The following DDX42 variants were observed in gnomAD, a reference collection of about 807,000 sequenced individuals.
DDX42 encodes DEAD-box helicase 42, also known as ATP-dependent RNA helicase DDX42.
A neutral mutation model predicts 101.5 loss-of-function variants in DDX42; 22 were observed. The observed-to-expected ratio is 0.22, with a 90% CI of 0.15 to 0.31. DDX42 has a LOEUF of 0.31. Ranked by LOEUF, DDX42 falls within the 10% of genes least tolerant of loss-of-function variation. The probability of loss-of-function intolerance (pLI) is 1.00; values close to 1 mark genes in which losing one functional copy is unlikely to be tolerated. For synonymous variants in DDX42, 402 were observed against 401.2 expected, an observed-to-expected ratio of 1.00 and a Z score of -0.02; for missense variants, 849 against 1,199.9, an observed-to-expected ratio of 0.71 and a Z score of 4.32.
In DDX42 at chr17:63,780,751, T is replaced by G. The variant is rs1185780388; in HGVS notation, c.-16-6283T>G. ...CCCAAGGTCTCACTGCCTGCCTGTT[T>G]GTGGCAGGAGTTGATTTGCTGCTTT... On this transcript the variant is annotated intron_variant, in intron 1 of 17. Coordinates refer to ENST00000389924, the MANE Select transcript of DDX42 (RefSeq NM_203499.3). Among the ~76,000 whole-genome samples, 3 of 152,348 alleles carry G rather than the reference T, an allele frequency of 2.0e-5. No individual in the cohort carries two copies. In the East Asian group the frequency reaches 5.8e-4, roughly 29 times the overall value.
intron 17 of DDX42, chr17:63,817,458 A>G (rs1000830397): frequency 8.3e-6 from 4 of 480,478 alleles, no homozygotes; most frequent in African/African-American, 1.9e-5. Flanking sequence ...ATTCTAGCCA[A>G]TCAGGCTATA....
At chr17:63,811,247 C>A in intron 13 of DDX42, 74 bp downstream of exon 13, 1 of 1,110,190 alleles carries the variant, frequency 9.0e-7, no homozygotes, top group Non-Finnish European at 1.3e-6. Flanking sequence ...ATTAATTTCT[C>A]ACTATTGAGA....
chr17:63,785,880 C>CT (rs1260333217), intron 1 of DDX42, among the ~76,000 whole-genome samples: 2 of 152,144 alleles, frequency 1.3e-5, no homozygotes, highest in Non-Finnish European at 2.9e-5. Flanking sequence ...AGTTTTGATT[C>CT]TTTGATTCTT....
intron 2 of DDX42, among the ~76,000 whole-genome samples, chr17:63,789,559 GTTTTTGTTTTTGTTTTTT>G (rs1376622890): frequency 8.3e-5 from 2 of 24,236 alleles, no homozygotes; most frequent in African/African-American, 4.1e-4. Context: ...TTTTGTTTTT[GTTTTTGTTTTTGTTTTTT>G]TTTTTTTTTT....
intron 15 of DDX42, among the ~76,000 whole-genome samples, chr17:63,815,318 C>G (rs141143667): frequency 6.6e-6 from 1 of 152,282 alleles, no homozygotes; most frequent in African/African-American, 2.4e-5. Flanking sequence ...TCCAGGAGAG[C>G]CTTGAGGGAG....
chr17:63,795,401 G>T (rs1182543060), intron 3 of DDX42, among the ~76,000 whole-genome samples: 1 of 152,204 alleles, frequency 6.6e-6, no homozygotes, highest in African/African-American at 2.4e-5. Flanking sequence ...CCAGAGTGCA[G>T]TGGCACCATT....
Position 63,792,291 on chromosome 17 carries a change from A to C in DDX42, c.222-121A>C, listed in dbSNP as rs113731853. On this transcript the variant is annotated intron_variant, in intron 2 of 17. Coordinates refer to ENST00000389924, the MANE Select transcript of DDX42 (RefSeq NM_203499.3). ...ATTAGCCAAAGCCTTGGAGGTCTCT[A>C]ATTTGATCTGCATTACATCTCCTAA... The C allele has an allele frequency of 4.0e-3, 4,367 of 1,078,776 alleles. 114 individuals are homozygous for C. The African/African-American group carries it at 0.055, about 14-fold the overall frequency. 66.8% of individuals were successfully genotyped at this position (1,078,776 alleles called of 1,614,324 possible). A position where few individuals can be genotyped will look rare whatever the true frequency, so the allele number is the denominator to read the frequency against.
At position 63,817,851 on chromosome 17, in the gene DDX42, C is replaced by T. The variant is rs775744813; in HGVS notation, c.2270C>T (p.Thr757Ile). 6.2e-7 allele frequency: 1 copy of T among 1,614,216 alleles called. No individual in the cohort carries two copies. The highest frequency in any genetic ancestry group is 2.2e-5 in the East Asian group (1 of 44,886). ...CATAACAGTCCTGACAGCCCCGTCA[C>T]CAGTGCCGCCAAGGGCATCCCAGGC... is the stretch of plus-strand genomic sequence containing the variant. ...QGHNSPDSPV[T>I]SAAKGIPGFG... is the part of the protein sequence containing the mutation. Residue 757 changes from threonine (T) to isoleucine (I), a missense_variant, in exon 18 of 18, where the codon ACC becomes ATC. Physicochemically the swap from Thr to Ile is moderately conservative, Grantham distance 89. Transcript: ENST00000389924.
At chr17:63,815,695 A>C (rs777450437) in intron 16 of DDX42, 22 bp downstream of exon 16, 3 of 1,530,284 alleles carry the variant, frequency 2.0e-6, no homozygotes, top group African/African-American at 2.7e-5. Flanking sequence ...CTACTACAGT[A>C]GTGCCTTTAT....
rs552716183 is a variant in DDX42, at chr17:63,810,969, G to A, written c.1301-107G>A. The A allele has an allele frequency of 1.4e-4, 116 of 802,000 alleles. 1 individual carries two copies. The highest frequency in any genetic ancestry group is 1.3e-3 in the Admixed American group (42 of 33,246). The allele number at this position is 802,000 out of a possible 1,614,324, so 49.7% of individuals were successfully genotyped here. ...TTTCTAAACTAAATTTAAAGTTCAG[G>A]TGAGCTTATGTAAAAAAACTGAATA... On this transcript the variant is annotated intron_variant, in intron 12 of 17. Transcript: ENST00000389924.
chr17:63,811,056 G>T lies in DDX42; in HGVS notation c.1301-20G>T. On this transcript the variant is annotated intron_variant, in intron 12 of 17. Coordinates refer to ENST00000389924, the MANE Select transcript of DDX42 (RefSeq NM_203499.3). ...AAGATATCATATTGTTTCTCTAACAGAATTTATCTTACCTTTTAGCTCTCT... is the reference window on the plus strand; with the variant it reads ...AAGATATCATATTGTTTCTCTAACATAATTTATCTTACCTTTTAGCTCTCT... 1 of 1,604,782 alleles carries T rather than the reference G, an allele frequency of 6.2e-7. No homozygotes were observed. Among genetic ancestry groups the T allele is most frequent in the Non-Finnish European group, 8.5e-7 (1 of 1,172,722 alleles).
intron 3 of DDX42, 102 bp downstream of exon 3, chr17:63,792,664 A>ATTT: frequency 2.3e-5 from 24 of 1,041,138 alleles, no homozygotes; most frequent in Admixed American, 3.5e-5. Flanking sequence ...TAGTCTTATT[A>ATTT]TTTTTTTTTT....
chr17:63,817,630 G>A, intron 17 of DDX42, 64 bp from the exon 18 acceptor site: 21 of 1,515,468 alleles, frequency 1.4e-5, no homozygotes, highest in Non-Finnish European at 1.9e-5. Flanking sequence ...CATTTGCCAA[G>A]TTGTATATTC....
chr17:63,810,121 G>C (rs934048527), intron 11 of DDX42: 3 of 191,138 alleles, frequency 1.6e-5, no homozygotes, highest in Admixed American at 5.7e-5. Context: ...ACAGAGTTTT[G>C]CTTTTGTTGC....
At chr17:63,805,872 A>T (rs1230913381) in intron 7 of DDX42, 2 of 152,266 alleles carry the variant, frequency 1.3e-5, no homozygotes, top group Non-Finnish European at 2.9e-5. Flanking sequence ...CAGTGACCCA[A>T]GAAAAATTTT....
Position 63,774,392 on chromosome 17 carries a change from T to G in DDX42, c.-17+16T>G, listed in dbSNP as rs534621395. ...ATAGCAGCAGGTTTGTGCGTGGGGT[T>G]TCTGGACGCAAGGCCGCCAGTCCTT... On this transcript the variant is annotated intron_variant, in intron 1 of 17. Transcript: ENST00000389924. 1 of 224,150 alleles carries G rather than the reference T, an allele frequency of 4.5e-6. No individual in the cohort carries two copies. The highest frequency in any genetic ancestry group is 8.7e-6 in the Non-Finnish European group (1 of 114,390). The allele number at this position is 224,150 out of a possible 1,614,324, so 13.9% of individuals were successfully genotyped here.
intron 3 of DDX42, among the ~76,000 whole-genome samples, chr17:63,797,398 A>G (rs1438775131): frequency 1.3e-5 from 2 of 151,840 alleles, no homozygotes; most frequent in Non-Finnish European, 2.9e-5. Context: ...TGTAAAAACT[A>G]CACACATTTA....
chr17:63,778,247 T>C (rs886399980), intron 1 of DDX42, among the ~76,000 whole-genome samples: 1 of 152,212 alleles, frequency 6.6e-6, no homozygotes, highest in Non-Finnish European at 1.5e-5. Flanking sequence ...CTAAACAGAA[T>C]CACTTCTCAT....
intron 9 of DDX42, 91 bp from the exon 10 acceptor site, chr17:63,808,729 C>T: frequency 6.6e-7 from 1 of 1,518,918 alleles, no homozygotes; most frequent in Non-Finnish European, 9.0e-7. Context: ...TTTTTTATGA[C>T]ATCACATTCT....
Sources: allele counts gnomAD v4.1 joint callset (sites outside exome capture counted in the v4.1 genomes callset), GRCh38; gene constraint gnomAD v4.1.1; transcripts MANE v1.5; gene names NCBI Gene and HGNC (gene_info 2026-07-23, HGNC 2026-07-21).